The following PRPF3 variants were observed in gnomAD, a reference collection of about 807,000 sequenced individuals.
PRPF3 encodes the protein U4/U6 small nuclear ribonucleoprotein Prp3.
Under a neutral mutation model 89.2 loss-of-function variants are expected in PRPF3, and 3 were observed. That is an observed-to-expected ratio of 0.03 (90% CI 0.02 to 0.09). The LOEUF is 0.09. PRPF3 is among the 10% of genes least tolerant of loss of function. PRPF3 has a pLI of 1.00. For synonymous variants in PRPF3, 270 were observed against 289.1 expected, an observed-to-expected ratio of 0.93 and a Z score of 0.67; for missense variants, 463 against 828.8, an observed-to-expected ratio of 0.56 and a Z score of 5.42.
intron 15 of PRPF3, among the ~76,000 whole-genome samples, chr1:150,351,601 A>G (rs1458747029): frequency 1.3e-5 from 2 of 151,498 alleles, no homozygotes; most frequent in African/African-American, 4.9e-5. Context: ...CCTAGGGACA[A>G]GCAATCCTCC....
chr1:150,326,191 C>G (rs114657335), intron 3 of PRPF3, among the ~76,000 whole-genome samples: 2,966 of 152,014 alleles, frequency 0.02, 83 homozygotes, highest in African/African-American at 0.067. Context: ...ACTGATTGCT[C>G]TAAGATTTTA....
In PRPF3 at chr1:150,338,313, A is replaced by T; in HGVS notation, c.1189A>T (p.Asn397Tyr). The change falls in exon 8 of 16, where the codon AAT (asparagine) becomes TAT (tyrosine). Residue 397 changes from asparagine to tyrosine, a missense_variant. Around this residue, in one of 8 missense-constraint regions of PRPF3, gnomAD observed 261 missense variants for 475.8 expected, o/e 0.55. Transcript: ENST00000324862. Reference protein sequence around the residue: ...IEWWDSYIIPNGFDLTEENPK... With the variant: ...IEWWDSYIIPYGFDLTEENPK... ...GTGGTGGGACTCTTACATAATCCCCAATGGCTTTGATCTGTGAGTTTGTTT... is the reference window on the plus strand; with the variant it reads ...GTGGTGGGACTCTTACATAATCCCCTATGGCTTTGATCTGTGAGTTTGTTT... 6.2e-7 allele frequency: 1 copy of T among 1,614,026 alleles called. No homozygotes were observed. Among genetic ancestry groups the T allele is most frequent in the Non-Finnish European group, 8.5e-7 (1 of 1,179,974 alleles).
In PRPF3 at chr1:150,344,479, G is replaced by A. The variant is rs782488362; in HGVS notation, c.1572G>A (p.Gln524=). The change falls in exon 12 of 16, where the codon CAG becomes CAA. Residue 524 remains glutamine, a synonymous_variant. Coordinates refer to ENST00000324862, the MANE Select transcript of PRPF3 (RefSeq NM_004698.4). ...CTGCCCGAAAACTCACAGCAGAACA[G>A]AGAAAGGTCAAGAAAATTAAAAAGC... ...ANAARKLTAE[Q]RKVKKIKKLK... is the part of the protein sequence containing the mutation. 6.2e-7 allele frequency: 1 copy of A among 1,614,200 alleles called. No individual in the cohort carries two copies. Among genetic ancestry groups the A allele is most frequent in the South Asian group, 1.1e-5 (1 of 91,088 alleles).
intron 1 of PRPF3, among the ~76,000 whole-genome samples, chr1:150,324,194 G>A (rs1420716761): frequency 6.6e-6 from 1 of 152,182 alleles, no homozygotes; most frequent in Non-Finnish European, 1.5e-5. Context: ...TCAGGGTTGG[G>A]TTAGGGAATG....
intron 15 of PRPF3, among the ~76,000 whole-genome samples, chr1:150,349,663 C>T (rs1658688818): frequency 6.6e-6 from 1 of 151,990 alleles, no homozygotes; most frequent in African/African-American, 2.4e-5. Flanking sequence ...AATTCTGTTG[C>T]CTTAGCTATT....
chr1:150,352,400 T>G (rs587654197), intron 15 of PRPF3, among the ~76,000 whole-genome samples: 31 of 152,352 alleles, frequency 2.0e-4, no homozygotes, highest in African/African-American at 7.2e-4. Context: ...GCGCGGTGGC[T>G]CACGCCTATA....
At chr1:150,341,528 C>T (rs1657727697) in intron 9 of PRPF3, among the ~76,000 whole-genome samples, 1 of 151,438 alleles carries the variant, frequency 6.6e-6, no homozygotes, top group Admixed American at 6.6e-5. Flanking sequence ...GCCTCAGCCT[C>T]CTGAGTAGCT....
chr1:150,332,557 G>A (rs1656529780), intron 4 of PRPF3, 127 bp from the exon 5 acceptor site: 4 of 909,674 alleles, frequency 4.4e-6, no homozygotes, highest in Non-Finnish European at 7.2e-6. Context: ...GGTGCAGGCA[G>A]AATGTGGTAT....
At chr1:150,340,596 A>G in intron 9 of PRPF3, 119 bp downstream of exon 9, 1 of 799,138 alleles carries the variant, frequency 1.3e-6, no homozygotes, top group Admixed American at 2.2e-5. Context: ...CCCATGTGTA[A>G]TTCTTTTTTT....
intron 1 of PRPF3, among the ~76,000 whole-genome samples, chr1:150,324,369 G>A (rs1049143944): frequency 6.6e-6 from 1 of 152,118 alleles, no homozygotes; most frequent in Non-Finnish European, 1.5e-5. Context: ...TGTTTATTCC[G>A]CAGATTTCAT....
intron 15 of PRPF3, among the ~76,000 whole-genome samples, 183 bp from the exon 16 acceptor site, chr1:150,352,650 G>GTCT (rs773631293): frequency 0.016 from 2,429 of 152,274 alleles, 31 homozygotes; most frequent in Middle Eastern, 0.051. Context: ...GGGCGACAGA[G>GTCT]CGAGACTCTG....
intron 14 of PRPF3, among the ~76,000 whole-genome samples, chr1:150,347,551 G>A (rs1553873262): frequency 6.6e-6 from 1 of 152,028 alleles, no homozygotes; most frequent in Non-Finnish European, 1.5e-5. Context: ...CCAACATGGT[G>A]AAACCCCGTC....
chr1:150,345,794 A>T (rs1658220123), intron 12 of PRPF3: 1 of 555,508 alleles, frequency 1.8e-6, no homozygotes, highest in Non-Finnish European at 3.2e-6. Context: ...TTGGTTAGTA[A>T]TGTAATGGTT....
rs1655652598 is a variant in PRPF3 at position 150,325,839 on chromosome 1, T to C, written c.234T>C (p.His78=). The change falls in exon 3 of 16, where the codon CAT becomes CAC. Residue 78 remains histidine, a synonymous_variant. Transcript: ENST00000324862. ...TGGAGGAAGGCCGAAGCTCTAGGCA[T>C]TCCAAGTCTAGCAGTGACAGGAGCA... ...EAVEEGRSSR[H]SKSSSDRSRK... The C allele has an allele frequency of 1.2e-6, 2 of 1,613,632 alleles. No individual in the cohort carries two copies. Among genetic ancestry groups the C allele is most frequent in the Non-Finnish European group, 1.7e-6 (2 of 1,179,764 alleles).
intron 4 of PRPF3, 102 bp from the exon 5 acceptor site, chr1:150,332,582 T>C: frequency 8.8e-7 from 1 of 1,141,822 alleles, no homozygotes; most frequent in Non-Finnish European, 1.3e-6. Flanking sequence ...ATTCAAAACA[T>C]TTTAAGTGTC....
At chr1:150,325,162 C>T (rs1553863399) in intron 2 of PRPF3, 75 bp downstream of exon 2, 1 of 1,554,404 alleles carries the variant, frequency 6.4e-7, no homozygotes, top group Admixed American at 1.7e-5. Flanking sequence ...CCTCAAAATT[C>T]TCTCTGTTGG....
At chr1:150,327,608 G>A (rs1655872805) in intron 3 of PRPF3, 2 of 985,838 alleles carry the variant, frequency 2.0e-6, no homozygotes, top group Non-Finnish European at 2.4e-6. Context: ...TGCAAAACAC[G>A]AGCCCTCCTA....
intron 12 of PRPF3, among the ~76,000 whole-genome samples, chr1:150,344,763 C>CTT (rs5777721): frequency 6.7e-6 from 1 of 149,384 alleles, no homozygotes; most frequent in African/African-American, 2.5e-5. Context: ...CTCAAGTCTT[C>CTT]TTTTTTTTTT....
intron 12 of PRPF3, 99 bp from the exon 13 acceptor site, chr1:150,345,919 G>A: frequency 1.1e-6 from 1 of 899,040 alleles, no homozygotes; most frequent in African/African-American, 1.6e-5. Context: ...TTTGTTTATA[G>A]AGAGGAAACC....
Sources: gnomAD v4.1 joint callset for allele counts (sites outside exome capture counted in the v4.1 genomes callset) on GRCh38, gnomAD v4.1.1 for gene constraint, gnomAD v4.1.1 regional missense constraint, MANE v1.5 for transcripts, NCBI Gene and HGNC (gene_info 2026-07-23, HGNC 2026-07-21) for gene names.